OR51G2: variants seen among roughly 807,000 people sequenced by gnomAD.
The protein encoded by OR51G2 is olfactory receptor 51G2.
OR51G2 carries 13 observed loss-of-function variants against 11.8 expected under a neutral mutation model. The observed-to-expected ratio is 1.10, with a 90% CI of 0.72 to 1.76. OR51G2 has a LOEUF of 1.76. Ranked by LOEUF, OR51G2 falls within the 40% of genes most tolerant of loss-of-function variation. The pLI is 0.00. For synonymous variants in OR51G2, 178 were observed against 151.9 expected (o/e 1.17, Z -1.26); for missense variants, 474 against 394.4 (o/e 1.20, Z -1.71).
intron 1 of OR51G2, among the ~76,000 whole-genome samples, chr11:4,917,510 A>G (rs1362531638): frequency 6.6e-6 from 1 of 152,208 alleles, no homozygotes; most frequent in Non-Finnish European, 1.5e-5. Context: ...AAACACACAT[A>G]AAGATATACA....
At chr11:4,918,501 A>G (rs908999095) in intron 1 of OR51G2, among the ~76,000 whole-genome samples, 2 of 152,146 alleles carry the variant, frequency 1.3e-5, no homozygotes, top group Non-Finnish European at 2.9e-5. Context: ...TAAAATTCAG[A>G]ATAATGATGC....
rs1851053816 is a variant in OR51G2 at position 4,914,944 on chromosome 11, G to C, written c.720C>G (p.Phe240Leu). ...GGGAAACACAGGTGTTAAGGGCCTT[G>C]AATCTCTCAGCCCTGGAGGCGATGG... Reference protein sequence around the residue: ...VLSIASRAERFKALNTCVSHI... With the variant: ...VLSIASRAERLKALNTCVSHI... The change falls in exon 2 of 2, where the codon TTC becomes TTG. Residue 240 changes from phenylalanine to leucine, a missense_variant. Phe to Leu is a conservative substitution (Grantham distance 22). Transcript: ENST00000641926. 1 of 1,614,120 alleles carries C rather than the reference G, an allele frequency of 6.2e-7. No homozygotes were observed. The highest frequency in any genetic ancestry group is 8.5e-7 in the Non-Finnish European group (1 of 1,180,022).
At chr11:4,916,413 T>C (rs532571697) in intron 1 of OR51G2, among the ~76,000 whole-genome samples, 2 of 148,146 alleles carry the variant, frequency 1.4e-5, no homozygotes, top group Non-Finnish European at 3.0e-5. Flanking sequence ...AAAAAAAAAG[T>C]CCTCACATGC....
chr11:4,918,499 A>G (rs1483793950), intron 1 of OR51G2, among the ~76,000 whole-genome samples: 1 of 152,200 alleles, frequency 6.6e-6, no homozygotes, highest in Non-Finnish European at 1.5e-5. Context: ...AATAAAATTC[A>G]GAATAATGAT....
In OR51G2 at chr11:4,913,619, C is replaced by G. The variant is rs1851026255; in HGVS notation, c.*1100G>C. On this transcript the variant is annotated 3_prime_UTR_variant, in exon 2 of 2. Transcript: ENST00000641926. ...GGGCATAACAAACTATCCTTGGTTC[C>G]TTGGCTTATAATCTCTTTCTGATAC... The G allele has an allele frequency of 6.6e-6, 1 of 152,160 alleles. No homozygotes were observed. The allele number at this position is 152,160 out of a possible 1,614,324, so 9.4% of individuals were successfully genotyped here.
In OR51G2 at chr11:4,915,704, T is replaced by C. The variant is rs766478718; in HGVS notation, c.-41A>G. 6.8e-7 allele frequency: 1 copy of C among 1,461,202 alleles called. No individual in the cohort carries two copies. The highest frequency in any genetic ancestry group is 9.4e-7 in the Non-Finnish European group (1 of 1,064,116). 90.5% of individuals were successfully genotyped at this position (1,461,202 alleles called of 1,614,324 possible). A position where few individuals can be genotyped will look rare whatever the true frequency, so the allele number is the denominator to read the frequency against. On this transcript the variant is annotated 5_prime_UTR_variant, in exon 2 of 2. Transcript: ENST00000641926. The stretch of plus-strand genomic sequence containing the variant: ...GGGGGAAGGTGGGTGCCCTCCAAAA[T>C]CCTGAAGTAAATTGAGGCAGTACTG...
At chr11:4,916,890 C>T (rs1327545268) in intron 1 of OR51G2, among the ~76,000 whole-genome samples, 1 of 152,156 alleles carries the variant, frequency 6.6e-6, no homozygotes, top group Non-Finnish European at 1.5e-5. Context: ...AGGTCATGTC[C>T]AGGAGAGCCC....
Position 4,915,018 on chromosome 11 carries a change from A to T in OR51G2, c.646T>A (p.Ser216Thr), listed in dbSNP as rs776929045. The change falls in exon 2 of 2, where the codon TCA becomes ACA. Residue 216 changes from serine (S) to threonine (T), a missense_variant. Coordinates refer to ENST00000641926, the MANE Select transcript of OR51G2 (RefSeq NM_001005238.2). Reference protein sequence around the residue: ...FVIVSTVGIDSLLILFSYALI... With the variant: ...FVIVSTVGIDTLLILFSYALI... ...GCATAAGAGAAGAGGATGAGCAGTG[A>T]GTCTATACCCACTGTAGAGACGATG... 2 of 1,613,974 alleles carry T rather than the reference A, an allele frequency of 1.2e-6. No homozygotes were observed. Among genetic ancestry groups the T allele is most frequent in the Admixed American group, 1.7e-5 (1 of 59,996 alleles).
chr11:4,915,115 A>T lies in OR51G2; in HGVS notation c.549T>A (p.Tyr183Ter), dbSNP rs1333795026. Reference sequence around the variant, plus strand: ...ATTTCATCACTTCTTGGTGGAGACAATAAGAATGTGAGAGAACTGGGGAGC... The same window carrying T: ...ATTTCATCACTTCTTGGTGGAGACATTAAGAATGTGAGAGAACTGGGGAGC... The part of the protein sequence containing the change: ...YCGSPVLSHS[Y>*]CLHQEVMKLA... The change falls in exon 2 of 2, where the codon TAT becomes TAA. Residue 183 changes from tyrosine to a stop codon, truncating the protein, a stop_gained. Coordinates refer to ENST00000641926, the MANE Select transcript of OR51G2 (RefSeq NM_001005238.2). LOFTEE classifies it high-confidence loss of function. 1 of 1,614,120 alleles carries T rather than the reference A, an allele frequency of 6.2e-7. No homozygotes were observed. The highest frequency in any genetic ancestry group is 2.2e-5 in the East Asian group (1 of 44,850).
chr11:4,916,652 A>G (rs1851097683), intron 1 of OR51G2, among the ~76,000 whole-genome samples: 1 of 152,122 alleles, frequency 6.6e-6, no homozygotes, highest in Non-Finnish European at 1.5e-5. Context: ...GCCTTGTCCA[A>G]GTAGCTCATA....
rs1273045833 is a variant in OR51G2 at position 4,912,964 on chromosome 11, C to T, written c.*1755G>A. Reference sequence around the variant, plus strand: ...AATTGGAAAAGAAAAAAAAAACAAGCTGTAACTATTCAAATTACTATAACT... The same window carrying T: ...AATTGGAAAAGAAAAAAAAAACAAGTTGTAACTATTCAAATTACTATAACT... On this transcript the variant is annotated 3_prime_UTR_variant, in exon 2 of 2. Transcript: ENST00000641926. 1 of 152,006 alleles carries T rather than the reference C, an allele frequency of 6.6e-6. No individual in the cohort carries two copies. Among genetic ancestry groups the T allele is most frequent in the African/African-American group, 2.4e-5 (1 of 41,384 alleles). 9.4% of individuals were successfully genotyped at this position (152,006 alleles called of 1,614,324 possible).
At position 4,914,916 on chromosome 11, in the gene OR51G2, T is replaced by C. The variant is rs1343383934; in HGVS notation, c.748A>G (p.Ile250Val). Reference protein sequence around the residue: ...FKALNTCVSHICAVLLFYTPM... With the variant: ...FKALNTCVSHVCAVLLFYTPM... ...GTGTAGAAGAGCAGCACAGCACAGATGTGGGAAACACAGGTGTTAAGGGCC... is the reference window on the plus strand; with the variant it reads ...GTGTAGAAGAGCAGCACAGCACAGACGTGGGAAACACAGGTGTTAAGGGCC... Residue 250 changes from isoleucine (I) to valine (V), a missense_variant, in exon 2 of 2, where the codon ATC (isoleucine) becomes GTC (valine). Ile to Val is a conservative substitution (Grantham distance 29). Transcript: ENST00000641926. The C allele has an allele frequency of 1.9e-6, 3 of 1,613,958 alleles. No individual in the cohort carries two copies. The highest frequency in any genetic ancestry group is 1.1e-5 in the South Asian group (1 of 91,070).
Position 4,914,892 on chromosome 11 carries a change from T to G in OR51G2, c.772A>C (p.Thr258Pro). 6.2e-7 allele frequency: 1 copy of G among 1,613,798 alleles called. No homozygotes were observed. Among genetic ancestry groups the G allele is most frequent in the Non-Finnish European group, 8.5e-7 (1 of 1,179,958 alleles). The change falls in exon 2 of 2, where the codon ACT (threonine) becomes CCT (proline). Residue 258 changes from threonine to proline, a missense_variant. Transcript: ENST00000641926. The stretch of plus-strand genomic sequence containing the variant: ...ATGACAGAGAGGCCAATCATGGGAG[T>G]GTAGAAGAGCAGCACAGCACAGATG... ...SHICAVLLFYTPMIGLSVIHR... is the reference protein window; with the variant it reads ...SHICAVLLFYPPMIGLSVIHR...
In OR51G2 at chr11:4,915,585, G is replaced by A. The variant is rs760244072; in HGVS notation, c.79C>T (p.Arg27Cys). The change falls in exon 2 of 2, where the codon CGC (arginine) becomes TGC (cysteine). Residue 27 changes from arginine (R) to cysteine (C), a missense_variant. Arg to Cys is a radical substitution (Grantham distance 180, BLOSUM62 -3). Coordinates refer to ENST00000641926, the MANE Select transcript of OR51G2 (RefSeq NM_001005238.2). ...FLLSGIPGLERMHIWISIPLC... is the reference protein window; with the variant it reads ...FLLSGIPGLECMHIWISIPLC... ...GGGATGGAGATCCAGATGTGCATGC[G>A]CTCCAGCCCAGGGATGCCACTCAGC... 8.2e-5 allele frequency: 133 copies of A among 1,613,880 alleles called. No individual in the cohort carries two copies. In the Admixed American group the frequency reaches 1.8e-3, roughly 22 times the overall value.
rs141816603 is a variant in OR51G2 at position 4,914,965 on chromosome 11, G to A, written c.699C>T (p.Ile233=). ...YALILRTVLS[I]ASRAERFKAL... Reference sequence around the variant, plus strand: ...CCTTGAATCTCTCAGCCCTGGAGGCGATGGACAGCACGGTGCGCAGGATCA... The same window carrying A: ...CCTTGAATCTCTCAGCCCTGGAGGCAATGGACAGCACGGTGCGCAGGATCA... Residue 233 remains isoleucine (I), a synonymous_variant, in exon 2 of 2, where the codon ATC becomes ATT. Transcript: ENST00000641926. 93 of 1,613,984 alleles carry A rather than the reference G, an allele frequency of 5.8e-5. No individual in the cohort carries two copies. The highest frequency in any genetic ancestry group is 6.4e-5 in the Non-Finnish European group (76 of 1,180,018).
rs1465954889 is a variant in OR51G2, at chr11:4,915,195, T to A, written c.469A>T (p.Ser157Cys). The A allele has an allele frequency of 2.5e-6, 4 of 1,613,942 alleles. No homozygotes were observed. The South Asian group carries it at 4.4e-5, about 18-fold the overall frequency. Residue 157 changes from serine (S) to cysteine (C), a missense_variant, in exon 2 of 2, where the codon AGT becomes TGT. Ser to Cys is a moderately radical substitution (Grantham distance 112). Transcript: ENST00000641926. ...GGTAATGGAAAAATGAGTGCTACAC[T>A]ACGACCCAGAGAGACCAGGCCAATC... ...GRIGLVSLGR[S>C]VALIFPLPFM...
rs1241599339 is a variant in OR51G2, at chr11:4,915,354, C to G, written c.310G>C (p.Ala104Pro). The change falls in exon 2 of 2, where the codon GCT (alanine) becomes CCT (proline). Residue 104 changes from alanine to proline, a missense_variant. Ala to Pro is a conservative substitution (Grantham distance 27). Transcript: ENST00000641926. ...AAGCAGTGAATGAAAAAGAGCTGAG[C>G]AAAGCAGGCATCATGGCTAATTTCT... ...AREISHDACFAQLFFIHCFSF... is the reference protein window; with the variant it reads ...AREISHDACFPQLFFIHCFSF... 1 of 1,613,932 alleles carries G rather than the reference C, an allele frequency of 6.2e-7. No individual in the cohort carries two copies. Among genetic ancestry groups the G allele is most frequent in the East Asian group, 2.2e-5 (1 of 44,810 alleles).
At chr11:4,918,739 C>T (rs1186985060) in intron 1 of OR51G2, among the ~76,000 whole-genome samples, 1 of 152,182 alleles carries the variant, frequency 6.6e-6, no homozygotes, top group Non-Finnish European at 1.5e-5. Flanking sequence ...TGCTTTAAGA[C>T]TACTTTCTGA....
chr11:4,918,417 G>GT (rs1415630415), intron 1 of OR51G2, among the ~76,000 whole-genome samples: 2 of 152,118 alleles, frequency 1.3e-5, no homozygotes, highest in Non-Finnish European at 2.9e-5. Flanking sequence ...GCTTCAGATT[G>GT]TAAGGAGGTA....
Sources: gnomAD v4.1 joint callset for allele counts (sites outside exome capture counted in the v4.1 genomes callset) on GRCh38, gnomAD v4.1.1 for gene constraint, MANE v1.5 for transcripts, NCBI Gene and HGNC (gene_info 2026-07-23, HGNC 2026-07-21) for gene names.